USP13: variants seen among roughly 807,000 people sequenced by gnomAD.
USP13 encodes ubiquitin specific peptidase 13, also known as ubiquitin carboxyl-terminal hydrolase 13.
USP13 carries 68 observed loss-of-function variants against 107.8 expected under a neutral mutation model. The ratio of observed to expected loss-of-function variants is 0.63; its 90% CI spans 0.52 to 0.77. The LOEUF is 0.77. USP13 is among the 30% of genes least tolerant of loss of function. The pLI, the probability that USP13 is intolerant of heterozygous loss-of-function variation, is 0.00. For synonymous variants in USP13, 377 were observed against 389.5 expected (o/e 0.97, Z 0.38); for missense variants, 945 against 1,093.3 (o/e 0.86, Z 1.91).
At chr3:179,761,405 T>TTTC in intron 17 of USP13, 150 bp downstream of exon 17, 1 of 1,110,404 alleles carries the variant, frequency 9.0e-7, no homozygotes, top group Non-Finnish European at 1.2e-6. Flanking sequence ...AGCCAGTCTT[T>TTTC]TTCTTCTTCT....
At chr3:179,779,546 A>G (rs1229136870) in intron 19 of USP13, among the ~76,000 whole-genome samples, 5 of 151,864 alleles carry the variant, frequency 3.3e-5, no homozygotes, top group Non-Finnish European at 7.4e-5. Flanking sequence ...CAACAACAAA[A>G]AAAGAGAACA....
intron 11 of USP13, among the ~76,000 whole-genome samples, chr3:179,741,915 C>T (rs1275740242): frequency 6.6e-6 from 1 of 152,092 alleles, no homozygotes; most frequent in African/African-American, 2.4e-5. Flanking sequence ...GGCTTCTCCT[C>T]CTCCTTTCTT....
chr3:179,705,106 G>C (rs1005628892), intron 4 of USP13, among the ~76,000 whole-genome samples: 2 of 152,064 alleles, frequency 1.3e-5, no homozygotes, highest in Non-Finnish European at 2.9e-5. Flanking sequence ...CCCATCGCAG[G>C]GCTGCTAGAA....
At chr3:179,700,536 T>G (rs1712479895) in intron 3 of USP13, among the ~76,000 whole-genome samples, 1 of 152,128 alleles carries the variant, frequency 6.6e-6, no homozygotes. Flanking sequence ...GTCTTGAACC[T>G]AAGTTTGTCA....
At chr3:179,664,252 C>T (rs182567329) in intron 1 of USP13, among the ~76,000 whole-genome samples, 18 of 151,794 alleles carry the variant, frequency 1.2e-4, no homozygotes, top group East Asian at 5.8e-4. Flanking sequence ...CCACCATGCC[C>T]GGATATTTTT....
chr3:179,680,214 G>C (rs1051833789), intron 1 of USP13, among the ~76,000 whole-genome samples: 1 of 139,960 alleles, frequency 7.1e-6, no homozygotes, highest in African/African-American at 2.5e-5. Context: ...AAGAAAGAGA[G>C]AGAGAGAGAA....
intron 10 of USP13, 44 bp downstream of exon 10, chr3:179,730,753 G>A: frequency 6.3e-7 from 1 of 1,578,054 alleles, no homozygotes; most frequent in South Asian, 1.1e-5. Context: ...AGGTAGGGAG[G>A]AGCTTTAGAA....
In USP13 at chr3:179,785,124, C is replaced by CT. The variant is rs1715879679; in HGVS notation, c.*988dup. 6.6e-6 allele frequency: 1 copy of CT among 152,140 alleles called. No individual in the cohort carries two copies. The highest frequency in any genetic ancestry group is 1.5e-5 in the Non-Finnish European group (1 of 68,030). The allele number at this position is 152,140 out of a possible 1,614,324, so 9.4% of individuals were successfully genotyped here. A position where few individuals can be genotyped will look rare whatever the true frequency, so the allele number is the denominator to read the frequency against. ...TATTTTTAGTAAAAATAGCTAATCT[C>CT]TTTTTACCATCTCACATGATAACTC... On this transcript the variant is annotated 3_prime_UTR_variant, in exon 21 of 21. Transcript: ENST00000263966.
At chr3:179,706,305 G>A (rs1712717012) in intron 4 of USP13, among the ~76,000 whole-genome samples, 1 of 152,186 alleles carries the variant, frequency 6.6e-6, no homozygotes, top group Non-Finnish European at 1.5e-5. Flanking sequence ...AGAATCAATT[G>A]GGTAGGGAGA....
At chr3:179,765,952 A>G in intron 19 of USP13, 104 bp downstream of exon 19, 2 of 1,263,918 alleles carry the variant, frequency 1.6e-6, no homozygotes, top group South Asian at 1.6e-5. Context: ...ATCATTCAAA[A>G]GTTAGCACAG....
intron 15 of USP13, among the ~76,000 whole-genome samples, chr3:179,755,767 A>C (rs1394491218): frequency 6.6e-6 from 1 of 152,214 alleles, no homozygotes; most frequent in Non-Finnish European, 1.5e-5. Flanking sequence ...CTTCCTAATG[A>C]GTAGATTAAC....
At chr3:179,673,205 CTT>C (rs1426679221) in intron 1 of USP13, among the ~76,000 whole-genome samples, 6 of 152,158 alleles carry the variant, frequency 3.9e-5, no homozygotes, top group Admixed American at 3.3e-4. Context: ...GTGCCAGAGA[CTT>C]TAAGTGGAAG....
intron 1 of USP13, among the ~76,000 whole-genome samples, chr3:179,667,191 C>T (rs887411981): frequency 1.3e-5 from 2 of 152,066 alleles, no homozygotes; most frequent in Admixed American, 6.6e-5. Context: ...TTGGGGTTGC[C>T]GAAGAGAGAC....
intron 18 of USP13, 119 bp downstream of exon 18, chr3:179,764,287 C>T (rs1715105186): frequency 7.2e-7 from 1 of 1,389,030 alleles, no homozygotes; most frequent in African/African-American, 1.5e-5. Flanking sequence ...ATTCATCTAA[C>T]TGTGAATCTC....
At chr3:179,771,582 T>A (rs1715344103) in intron 19 of USP13, among the ~76,000 whole-genome samples, 1 of 152,214 alleles carries the variant, frequency 6.6e-6, no homozygotes, top group Non-Finnish European at 1.5e-5. Context: ...GACATCCAGG[T>A]GATTCTGATG....
chr3:179,665,833 G>A (rs1720570894), intron 1 of USP13, among the ~76,000 whole-genome samples: 1 of 152,148 alleles, frequency 6.6e-6, no homozygotes, highest in East Asian at 1.9e-4. Flanking sequence ...TGATCTGCCT[G>A]CCTTGGCTTC....
chr3:179,743,550 G>A (rs1347717366), intron 12 of USP13, among the ~76,000 whole-genome samples: 1 of 152,056 alleles, frequency 6.6e-6, no homozygotes, highest in Non-Finnish European at 1.5e-5. Context: ...TGCTCATGCA[G>A]TTTTTGATCA....
At chr3:179,677,308 G>A (rs1711509061) in intron 1 of USP13, among the ~76,000 whole-genome samples, 1 of 151,942 alleles carries the variant, frequency 6.6e-6, no homozygotes, top group African/African-American at 2.4e-5. Context: ...TTCTGGCCGG[G>A]TGCAGTGGCT....
chr3:179,676,332 A>T (rs1720891205), intron 1 of USP13, among the ~76,000 whole-genome samples: 1 of 152,168 alleles, frequency 6.6e-6, no homozygotes, highest in African/African-American at 2.4e-5. Context: ...TTTCACTGTC[A>T]TCTTGAACCT....
Sources: allele counts gnomAD v4.1 joint callset (sites outside exome capture counted in the v4.1 genomes callset), GRCh38; gene constraint gnomAD v4.1.1; transcripts MANE v1.5; gene names NCBI Gene and HGNC (gene_info 2026-07-23, HGNC 2026-07-21).